ELN: variants seen among roughly 807,000 people sequenced by gnomAD.
ELN encodes the protein tropoelastin.
In ELN, 65 loss-of-function variants were observed where a neutral mutation model predicts 105.8. The observed-to-expected ratio is 0.61, with a 90% CI of 0.50 to 0.75. The LOEUF is 0.75. Ranked by LOEUF, ELN falls within the 30% of genes least tolerant of loss-of-function variation. The probability of loss-of-function intolerance (pLI) is 0.00; values close to 1 mark genes in which losing one functional copy is unlikely to be tolerated. For synonymous variants in ELN, 368 were observed against 389.2 expected (o/e 0.95, Z 0.64); for missense variants, 882 against 969.4 (o/e 0.91, Z 1.20).
chr7:74,062,991 A>T (rs1388420037), intron 26 of ELN, among the ~76,000 whole-genome samples, 162 bp from the exon 27 acceptor site: 1 of 152,036 alleles, frequency 6.6e-6, no homozygotes, highest in Non-Finnish European at 1.5e-5. Flanking sequence ...ACAGAGCAAA[A>T]CCCCATCTCA....
At chr7:74,048,984 CA>C (rs1793233395) in intron 15 of ELN, among the ~76,000 whole-genome samples, 1 of 151,336 alleles carries the variant, frequency 6.6e-6, no homozygotes, top group Non-Finnish European at 1.5e-5. Flanking sequence ...CTTATTTACA[CA>C]TCCATGCATC....
intron 1 of ELN, among the ~76,000 whole-genome samples, chr7:74,034,897 T>C (rs947535760): frequency 1.3e-4 from 20 of 152,016 alleles, no homozygotes; most frequent in Non-Finnish European, 2.6e-4. Flanking sequence ...GGTCAGGGGT[T>C]CAAGACCAGC....
rs1181218274 is a variant in ELN at position 74,046,744 on chromosome 7, C to A, written c.620C>A (p.Pro207His). 6.2e-7 allele frequency: 1 copy of A among 1,614,142 alleles called. No individual in the cohort carries two copies. Among genetic ancestry groups the A allele is most frequent in the Non-Finnish European group, 8.5e-7 (1 of 1,180,014 alleles). ...GPQPGVPLGY[P>H]IKAPKLPGGY... ...CAACCTGGAGTCCCACTGGGGTATC[C>A]CATCAAGGCCCCCAAGCTGCCTGGT... The change falls in exon 12 of 33, where the codon CCC (proline) becomes CAC (histidine). Residue 207 changes from proline to histidine, a missense_variant. Physicochemically the swap from Pro to His is moderately conservative, Grantham distance 77. Transcript: ENST00000252034.
chr7:74,058,631 C>T (rs908960628), intron 22 of ELN, among the ~76,000 whole-genome samples: 1 of 152,206 alleles, frequency 6.6e-6, no homozygotes, highest in Non-Finnish European at 1.5e-5. Flanking sequence ...CCTGGGATTA[C>T]AGGCGTGAGC....
chr7:74,061,915 C>A (rs188107729), intron 26 of ELN, among the ~76,000 whole-genome samples: 40 of 152,282 alleles, frequency 2.6e-4, no homozygotes, highest in Admixed American at 3.9e-4. Flanking sequence ...GTCTCTGCCT[C>A]CACCCCAGCT....
rs782547269 is a variant in ELN at position 74,056,335 on chromosome 7, C to T, written c.1215C>T (p.Pro405=). 1.3e-5 allele frequency: 21 copies of T among 1,614,086 alleles called. 1 individual carries two copies. The South Asian group carries it at 2.1e-4, about 16-fold the overall frequency. ...ACGGGGTTGGAGCTGGGGGCTTTCC[C>T]GGCTTTGGTGTCGGAGTCGGAGGTA... is the stretch of plus-strand genomic sequence containing the variant. ...PTYGVGAGGF[P]GFGVGVGGIP... Residue 405 remains proline, a synonymous_variant, in exon 20 of 33, where the codon CCC becomes CCT. Coordinates refer to ENST00000252034, the MANE Select transcript of ELN (RefSeq NM_000501.4).
intron 1 of ELN, among the ~76,000 whole-genome samples, chr7:74,034,176 G>T (rs1789371641): frequency 6.6e-6 from 1 of 152,218 alleles, no homozygotes; most frequent in African/African-American, 2.4e-5. Context: ...CCCAGTGGCT[G>T]AGGACGCTGA....
At chr7:74,066,142 A>G (rs1797893798) in intron 31 of ELN, 145 bp downstream of exon 31, 2 of 1,195,676 alleles carry the variant, frequency 1.7e-6, no homozygotes. Flanking sequence ...AGGATTGCAG[A>G]TGTACTGGGC....
chr7:74,059,696 G>A (rs1554682625), intron 22 of ELN, 190 bp from the exon 23 acceptor site: 2 of 676,008 alleles, frequency 3.0e-6, no homozygotes, highest in Middle Eastern at 3.8e-4. Context: ...AAAAAACAAA[G>A]TTATGAACTC....
At chr7:74,039,380 G>T (rs1790663990) in intron 4 of ELN, among the ~76,000 whole-genome samples, 2 of 152,200 alleles carry the variant, frequency 1.3e-5, no homozygotes, top group Non-Finnish European at 2.9e-5. Context: ...GAAGACTCAG[G>T]GCTACAGAAG....
In ELN at chr7:74,043,869, T is replaced by C. The variant is rs782325085; in HGVS notation, c.428-10T>C. 7.4e-6 allele frequency: 12 copies of C among 1,613,974 alleles called. No homozygotes were observed. The South Asian group carries it at 1.3e-4, about 18-fold the overall frequency. The stretch of plus-strand genomic sequence containing the variant: ...CTGCTGCTAGTAACTTTGCTTTCTT[T>C]TGGCCACAGGTGTGGGGCTGCCAGG... On this transcript the variant is annotated splice_polypyrimidine_tract_variant and intron_variant, in intron 8 of 32. Transcript: ENST00000252034.
chr7:74,045,997 T>C, intron 10 of ELN, 191 bp from the exon 11 acceptor site: 1 of 719,058 alleles, frequency 1.4e-6, no homozygotes, highest in South Asian at 1.8e-5. Flanking sequence ...ATCACCCCAT[T>C]CCACCCCAGC....
intron 11 of ELN, 68 bp from the exon 12 acceptor site, chr7:74,046,628 G>A: frequency 1.3e-6 from 2 of 1,546,154 alleles, no homozygotes; most frequent in Non-Finnish European, 1.8e-6. Flanking sequence ...TGAGCAGAAA[G>A]TGGAGTGGGT....
chr7:74,060,202 C>G lies in ELN; in HGVS notation c.1621+18C>G, dbSNP rs1583964247. 6.2e-7 allele frequency: 1 copy of G among 1,613,996 alleles called. No individual in the cohort carries two copies. Among genetic ancestry groups the G allele is most frequent in the African/African-American group, 1.3e-5 (1 of 74,952 alleles). Reference sequence around the variant, plus strand: ...CCAGCTCCGTGAGTGCCTCGCCCACCTTTCTCTCCTCTCCCCAACGATCTC... The same window carrying G: ...CCAGCTCCGTGAGTGCCTCGCCCACGTTTCTCTCCTCTCCCCAACGATCTC... On this transcript the variant is annotated intron_variant, in intron 24 of 32. Transcript: ENST00000252034.
chr7:74,044,717 C>T (rs1391653210), intron 9 of ELN, among the ~76,000 whole-genome samples: 1 of 152,236 alleles, frequency 6.6e-6, no homozygotes, highest in African/African-American at 2.4e-5. Flanking sequence ...AGTGGCCCTT[C>T]CTCCCTCTCT....
chr7:74,030,756 GCTAT>G (rs1788489432), intron 1 of ELN, among the ~76,000 whole-genome samples: 1 of 151,876 alleles, frequency 6.6e-6, no homozygotes, highest in Non-Finnish European at 1.5e-5. Flanking sequence ...TTTCAACCTG[GCTAT>G]CTATTAGACT....
chr7:74,042,422 T>C (rs1302962751), intron 5 of ELN, among the ~76,000 whole-genome samples, 192 bp from the exon 6 acceptor site: 1 of 147,346 alleles, frequency 6.8e-6, no homozygotes, highest in Non-Finnish European at 1.5e-5. Context: ...AGTGAGACCT[T>C]GTGTCAAAAA....
chr7:74,064,442 A>ATATATATATATG (rs1554687768), intron 29 of ELN, among the ~76,000 whole-genome samples: 1 of 145,912 alleles, frequency 6.9e-6, no homozygotes, highest in African/African-American at 2.5e-5. Flanking sequence ...ATATATATAT[A>ATATATATATATG]TATGTATGTA....
At chr7:74,057,573 C>A in intron 21 of ELN, 67 bp from the exon 22 acceptor site, 1 of 1,608,468 alleles carries the variant, frequency 6.2e-7, no homozygotes, top group Non-Finnish European at 8.5e-7. Flanking sequence ...GAAGACTGAG[C>A]CTAGAGATGG....
Sources: gnomAD v4.1 joint callset for allele counts (sites outside exome capture counted in the v4.1 genomes callset) on GRCh38, gnomAD v4.1.1 for gene constraint, MANE v1.5 for transcripts, NCBI Gene and HGNC (gene_info 2026-07-23, HGNC 2026-07-21) for gene names.